The following ABI3BP variants were observed in gnomAD, a reference collection of about 807,000 sequenced individuals.
The protein encoded by ABI3BP is target of Nesh-SH3.
A neutral mutation model predicts 268.6 loss-of-function variants in ABI3BP; 216 were observed. The observed-to-expected ratio is 0.80, with a 90% CI of 0.72 to 0.90. The LOEUF (loss-of-function observed/expected upper bound fraction) is 0.90. Among genes scored for constraint, ABI3BP ranks in the 40% least tolerant of loss-of-function variants. The pLI is 0.00. For synonymous variants in ABI3BP, 730 were observed against 730.0 expected, an observed-to-expected ratio of 1.00 and a Z score of 0.00; for missense variants, 2,090 against 2,182.4, an observed-to-expected ratio of 0.96 and a Z score of 0.84.
At chr3:100,936,326 C>T (rs1268572159) in intron 1 of ABI3BP, among the ~76,000 whole-genome samples, 8 of 152,052 alleles carry the variant, frequency 5.3e-5, no homozygotes, top group African/African-American at 7.2e-5. Flanking sequence ...GGGATGAAGC[C>T]GACTTGATCG....
At chr3:100,974,024 T>A (rs1217560755) in intron 1 of ABI3BP, among the ~76,000 whole-genome samples, 3 of 152,108 alleles carry the variant, frequency 2.0e-5, no homozygotes, top group Non-Finnish European at 2.9e-5. Flanking sequence ...CAAGTATGCC[T>A]AACGAATAGA....
At chr3:100,793,964 CTTA>C (rs1272464640) in intron 54 of ABI3BP, among the ~76,000 whole-genome samples, 2 of 152,022 alleles carry the variant, frequency 1.3e-5, no homozygotes. Context: ...ACCTTTCCAA[CTTA>C]CCCATCCTTG....
chr3:100,927,654 T>C (rs1199502494), intron 1 of ABI3BP, among the ~76,000 whole-genome samples: 1 of 152,026 alleles, frequency 6.6e-6, no homozygotes, highest in Non-Finnish European at 1.5e-5. Context: ...CCACATACCT[T>C]TAAACAACCA....
At chr3:100,916,191 C>T (rs761654029) in intron 2 of ABI3BP, among the ~76,000 whole-genome samples, 4 of 152,146 alleles carry the variant, frequency 2.6e-5, no homozygotes, top group Non-Finnish European at 4.4e-5. Flanking sequence ...TTCATGTTAT[C>T]GCTACAGGAA....
chr3:100,787,379 A>G (rs2097083145), intron 57 of ABI3BP, among the ~76,000 whole-genome samples: 1 of 152,174 alleles, frequency 6.6e-6, no homozygotes, highest in African/African-American at 2.4e-5. Flanking sequence ...AAAACCAACT[A>G]ATTACAGTTC....
chr3:100,927,676 A>G (rs1013205966), intron 1 of ABI3BP, among the ~76,000 whole-genome samples: 55 of 152,094 alleles, frequency 3.6e-4, no homozygotes, highest in African/African-American at 1.3e-3. Flanking sequence ...ATCTTGTGCA[A>G]ACTCTATCAC....
At chr3:100,948,731 G>C (rs1312062836) in intron 1 of ABI3BP, among the ~76,000 whole-genome samples, 1 of 152,086 alleles carries the variant, frequency 6.6e-6, no homozygotes, top group African/African-American at 2.4e-5. Context: ...AATACTGGTT[G>C]AGTATCCTTT....
At chr3:100,827,175 A>G (rs2098402810) in intron 34 of ABI3BP, among the ~76,000 whole-genome samples, 2 of 152,114 alleles carry the variant, frequency 1.3e-5, no homozygotes, top group African/African-American at 4.8e-5. Context: ...TAATTTGCAA[A>G]AACACCCTGG....
At chr3:100,936,459 A>C (rs918119127) in intron 1 of ABI3BP, among the ~76,000 whole-genome samples, 2 of 152,110 alleles carry the variant, frequency 1.3e-5, no homozygotes, top group Non-Finnish European at 1.5e-5. Context: ...TGTCTCTGCC[A>C]GGTTTTGGTA....
chr3:100,841,985 A>T lies in ABI3BP; in HGVS notation c.1765+13T>A. 6.5e-7 allele frequency: 1 copy of T among 1,527,364 alleles called. No individual in the cohort carries two copies. Among genetic ancestry groups the T allele is most frequent in the Non-Finnish European group, 8.8e-7 (1 of 1,139,178 alleles). The allele number at this position is 1,527,364 out of a possible 1,614,324, so 94.6% of individuals were successfully genotyped here. ...GATACTTTGTTTTCACTCATTAAAA[A>T]AAGCTTTATTACCTATTGTTGACTG... On this transcript the variant is annotated intron_variant, in intron 21 of 67. Coordinates refer to ENST00000471714, the MANE Select transcript of ABI3BP (RefSeq NM_001375547.2).
intron 2 of ABI3BP, among the ~76,000 whole-genome samples, chr3:100,909,444 C>A (rs1269452692): frequency 6.6e-6 from 1 of 151,572 alleles, no homozygotes; most frequent in African/African-American, 2.4e-5. Context: ...GCTTCTTCTG[C>A]ACAGCAAAAG....
chr3:100,915,228 C>A (rs973963363), intron 2 of ABI3BP, among the ~76,000 whole-genome samples: 2 of 152,116 alleles, frequency 1.3e-5, no homozygotes, highest in African/African-American at 4.8e-5. Context: ...CCCCAACCCA[C>A]CCCCCAGGGT....
intron 10 of ABI3BP, among the ~76,000 whole-genome samples, chr3:100,866,586 C>A (rs987095997): frequency 3.9e-5 from 6 of 152,102 alleles, no homozygotes; most frequent in African/African-American, 1.2e-4. Flanking sequence ...AAGAACAGCA[C>A]CAAACTTGTG....
At chr3:100,832,192 A>G in intron 31 of ABI3BP, 72 bp downstream of exon 31, 1 of 1,383,954 alleles carries the variant, frequency 7.2e-7, no homozygotes, top group Middle Eastern at 1.8e-4. Context: ...AATAGATTAT[A>G]TGTACATAGA....
At chr3:100,930,267 C>T (rs2063179782) in intron 1 of ABI3BP, among the ~76,000 whole-genome samples, 1 of 151,814 alleles carries the variant, frequency 6.6e-6, no homozygotes, top group African/African-American at 2.4e-5. Context: ...CGTTTTATTG[C>T]ACCGTATATG....
At chr3:100,962,807 G>A (rs2079619866) in intron 1 of ABI3BP, among the ~76,000 whole-genome samples, 1 of 152,094 alleles carries the variant, frequency 6.6e-6, no homozygotes, top group African/African-American at 2.4e-5. Context: ...ACATTTTTTG[G>A]TGATTGCATT....
intron 50 of ABI3BP, among the ~76,000 whole-genome samples, chr3:100,805,376 G>A (rs557577446): frequency 1.3e-5 from 2 of 152,034 alleles, no homozygotes; most frequent in Non-Finnish European, 2.9e-5. Context: ...TACCCGCCCT[G>A]CATTTCTCTG....
chr3:100,900,798 G>A (rs994317254), intron 3 of ABI3BP, among the ~76,000 whole-genome samples: 8 of 152,202 alleles, frequency 5.3e-5, no homozygotes, highest in African/African-American at 1.9e-4. Context: ...AAGGTGGGAT[G>A]TTATATCCTG....
intron 63 of ABI3BP, among the ~76,000 whole-genome samples, chr3:100,760,227 A>C (rs1401845739): frequency 6.6e-6 from 1 of 152,248 alleles, no homozygotes; most frequent in Non-Finnish European, 1.5e-5. Context: ...CAATTACTAG[A>C]CAGTACATTT....
Sources: allele counts gnomAD v4.1 joint callset (sites outside exome capture counted in the v4.1 genomes callset), GRCh38; gene constraint gnomAD v4.1.1; transcripts MANE v1.5; gene names NCBI Gene and HGNC (gene_info 2026-07-23, HGNC 2026-07-21).